MRPS35: variants seen among roughly 807,000 people sequenced by gnomAD.
MRPS35 encodes the protein mitochondrial ribosomal protein S35, also known as small ribosomal subunit protein mS35.
In MRPS35, 29 loss-of-function variants were observed where a neutral mutation model predicts 32.7. The ratio of observed to expected loss-of-function variants is 0.89; its 90% CI spans 0.66 to 1.21. The LOEUF is 1.21. MRPS35 is among the 50% of genes most tolerant of loss of function. MRPS35 has a pLI of 0.00. For missense variants in MRPS35, 373 were observed against 383.8 expected (o/e 0.97, Z 0.23); for synonymous variants, 148 against 139.3 (o/e 1.06, Z -0.44).
chr12:27,714,929 A>G, intron 2 of MRPS35, 109 bp downstream of exon 2: 2 of 909,740 alleles, frequency 2.2e-6, no homozygotes, highest in Admixed American at 2.4e-5. Flanking sequence ...TCACAAGGTC[A>G]TGTTTACTGG....
chr12:27,713,121 GC>G (rs2061835075), intron 1 of MRPS35, among the ~76,000 whole-genome samples: 1 of 152,168 alleles, frequency 6.6e-6, no homozygotes, highest in African/African-American at 2.4e-5. Context: ...TTAAATTTCA[GC>G]CATATTGAAT....
chr12:27,740,941 C>T (rs1420078992), intron 7 of MRPS35, among the ~76,000 whole-genome samples: 1 of 151,892 alleles, frequency 6.6e-6, no homozygotes, highest in Non-Finnish European at 1.5e-5. Flanking sequence ...CAAAGGCAGG[C>T]GGATTGCCCG....
chr12:27,745,497 G>A (rs539834786), intron 7 of MRPS35, among the ~76,000 whole-genome samples: 2 of 151,900 alleles, frequency 1.3e-5, no homozygotes, highest in South Asian at 4.2e-4. Flanking sequence ...ATGAACAACT[G>A]ACTAATTGAA....
rs139694101 is a variant in MRPS35 at position 27,715,779 on chromosome 12, A to C, written c.154-512A>C. On this transcript the variant is annotated intron_variant, in intron 2 of 7. Transcript: ENST00000081029. ...TTTGATGCCATTAAAAATAAATGTT[A>C]ATGTGATTGACTAAGCTATCAAGTA... is the stretch of plus-strand genomic sequence containing the variant. Among the ~76,000 whole-genome samples the C allele has an allele frequency of 4.6e-3, 699 of 152,274 alleles. 4 individuals carry two copies. Among genetic ancestry groups the C allele is most frequent in the African/African-American group, 0.016 (676 of 41,534 alleles).
chr12:27,718,781 T>A (rs532078228), intron 3 of MRPS35, among the ~76,000 whole-genome samples: 1 of 152,252 alleles, frequency 6.6e-6, no homozygotes, highest in Admixed American at 6.5e-5. Context: ...GGAATTGGGA[T>A]GATTAAACAA....
intron 7 of MRPS35, among the ~76,000 whole-genome samples, chr12:27,742,738 G>T (rs1022216097): frequency 6.6e-6 from 1 of 152,194 alleles, no homozygotes; most frequent in African/African-American, 2.4e-5. Flanking sequence ...TAACCAGAGG[G>T]CAACATTGAG....
chr12:27,715,245 C>T (rs1463243648), intron 2 of MRPS35, among the ~76,000 whole-genome samples: 2 of 152,206 alleles, frequency 1.3e-5, no homozygotes, highest in Non-Finnish European at 2.9e-5. Flanking sequence ...AAGTGGTTCT[C>T]CTGCCTCAGC....
At chr12:27,752,122 C>T (rs1245307575) in intron 7 of MRPS35, among the ~76,000 whole-genome samples, 1 of 151,742 alleles carries the variant, frequency 6.6e-6, no homozygotes, top group Non-Finnish European at 1.5e-5. Flanking sequence ...ATAGCGTGCA[C>T]CTTAGTCATA....
intron 3 of MRPS35, among the ~76,000 whole-genome samples, chr12:27,718,479 C>T (rs923932937): frequency 5.3e-5 from 8 of 152,162 alleles, no homozygotes; most frequent in South Asian, 2.1e-4. Context: ...GAGTAACTTT[C>T]GGCTTGTTTA....
chr12:27,755,476 A>T lies in MRPS35; in HGVS notation c.*26A>T. 1.3e-6 allele frequency: 2 copies of T among 1,496,512 alleles called. No homozygotes were observed. The highest frequency in any genetic ancestry group is 1.8e-6 in the Non-Finnish European group (2 of 1,125,744). The allele number at this position is 1,496,512 out of a possible 1,614,324, so 92.7% of individuals were successfully genotyped here. On this transcript the variant is annotated 3_prime_UTR_variant, in exon 8 of 8. Coordinates refer to ENST00000081029, the MANE Select transcript of MRPS35 (RefSeq NM_021821.4). ...ATTATGGAGTAGAAAAATCTGCTTG[A>T]TTTATTAATTTTATGATATATGTGA... is the stretch of plus-strand genomic sequence containing the variant.
intron 5 of MRPS35, among the ~76,000 whole-genome samples, chr12:27,731,501 T>A (rs1000821268): frequency 3.3e-5 from 5 of 152,194 alleles, no homozygotes; most frequent in Non-Finnish European, 7.4e-5. Context: ...ATATTGTTGA[T>A]TGATTTGTAG....
At chr12:27,731,409 G>A (rs567664475) in intron 5 of MRPS35, among the ~76,000 whole-genome samples, 1 of 152,258 alleles carries the variant, frequency 6.6e-6, no homozygotes, top group East Asian at 1.9e-4. Context: ...GAAATGTGTT[G>A]AAAATCTATG....
chr12:27,727,586 T>C (rs2061905611), intron 5 of MRPS35, among the ~76,000 whole-genome samples: 1 of 152,098 alleles, frequency 6.6e-6, no homozygotes, highest in Admixed American at 6.5e-5. Flanking sequence ...CCTAGCCATG[T>C]CTTTGTCAAA....
At chr12:27,754,727 A>G (rs1423181825) in intron 7 of MRPS35, among the ~76,000 whole-genome samples, 1 of 144,156 alleles carries the variant, frequency 6.9e-6, no homozygotes, top group African/African-American at 2.7e-5. Flanking sequence ...TGATTGTGCC[A>G]CTGCACTCCA....
chr12:27,710,857 C>T lies in MRPS35; in HGVS notation c.14C>T (p.Ala5Val), dbSNP rs202028360. The T allele has an allele frequency of 4.4e-5, 70 of 1,607,718 alleles. No individual in the cohort carries two copies. The highest frequency in any genetic ancestry group is 5.3e-5 in the Non-Finnish European group (63 of 1,179,612). The change falls in exon 1 of 8, where the codon GCG becomes GTG. Residue 5 changes from alanine (A) to valine (V), a missense_variant. Physicochemically the swap from Ala to Val is moderately conservative, Grantham distance 64. Coordinates refer to ENST00000081029, the MANE Select transcript of MRPS35 (RefSeq NM_021821.4). ...GTCCTCGCAGCCATGGCGGCCGCCG[C>T]GCTCCCAGCATGGCTGTCTCTGCAG... MAAAALPAWLSLQSR... is the reference protein window; with the variant it reads MAAAVLPAWLSLQSR...
Position 27,716,416 on chromosome 12 carries a change from G to C in MRPS35, c.279G>C (p.Lys93Asn), listed in dbSNP as rs550284619. 1.2e-6 allele frequency: 2 copies of C among 1,614,092 alleles called. No homozygotes were observed. The highest frequency in any genetic ancestry group is 1.7e-6 in the Non-Finnish European group (2 of 1,180,016). ...TTCGAATGGGTTATCCAGTAAAAAA[G>C]GGCGTGCCCATGGCAAAGGAGGGAA... The part of the protein sequence containing the change: ...LPVRMGYPVK[K>N]GVPMAKEGNL... Residue 93 changes from lysine (K) to asparagine (N), a missense_variant, in exon 3 of 8, where the codon AAG becomes AAC. Coordinates refer to ENST00000081029, the MANE Select transcript of MRPS35 (RefSeq NM_021821.4).
intron 7 of MRPS35, among the ~76,000 whole-genome samples, chr12:27,742,116 T>G (rs897489527): frequency 2.0e-5 from 3 of 152,146 alleles, no homozygotes; most frequent in African/African-American, 7.2e-5. Flanking sequence ...ATTTCTAAGT[T>G]GGAGAATTTT....
chr12:27,710,965 T>G lies in MRPS35; in HGVS notation c.112+10T>G, dbSNP rs1327854654. ...CCGACACCTAGCCTGCGTGAGTGTC[T>G]GTCTCGTCTTCTCTGGGCTTTGGGG... On this transcript the variant is annotated intron_variant, in intron 1 of 7. Transcript: ENST00000081029. 1.2e-6 allele frequency: 2 copies of G among 1,606,718 alleles called. No homozygotes were observed. Among genetic ancestry groups the G allele is most frequent in the East Asian group, 4.5e-5 (2 of 44,778 alleles).
chr12:27,736,884 A>G (rs1006099247), intron 6 of MRPS35, among the ~76,000 whole-genome samples: 17 of 152,080 alleles, frequency 1.1e-4, no homozygotes, highest in African/African-American at 3.9e-4. Context: ...TTTTATTTTT[A>G]AATTTTTTTA....
Sources: allele counts gnomAD v4.1 joint callset (sites outside exome capture counted in the v4.1 genomes callset), GRCh38; gene constraint gnomAD v4.1.1; transcripts MANE v1.5; gene names NCBI Gene and HGNC (gene_info 2026-07-23, HGNC 2026-07-21).